The following ULK4 variants were observed in gnomAD, a reference collection of about 807,000 sequenced individuals.
The protein encoded by ULK4 is unc-51 like kinase 4.
A neutral mutation model predicts 160.6 loss-of-function variants in ULK4; 133 were observed. The observed-to-expected ratio is 0.83, with a 90% CI of 0.72 to 0.96. ULK4 has a LOEUF of 0.96. Among genes scored for constraint, ULK4 ranks in the 40% least tolerant of loss-of-function variants. ULK4 has a pLI of 0.00. For missense variants in ULK4, 1,580 were observed against 1,499.5 expected, an observed-to-expected ratio of 1.05 and a Z score of -0.89; for synonymous variants, 534 against 539.8, an observed-to-expected ratio of 0.99 and a Z score of 0.15.
chr3:41,373,945 T>G (rs1326775514), intron 35 of ULK4, among the ~76,000 whole-genome samples: 1 of 152,050 alleles, frequency 6.6e-6, no homozygotes, highest in Admixed American at 6.5e-5. Context: ...TAAAAAATGA[T>G]AAAGGGCATA....
At chr3:41,275,727 C>G (rs1416696278) in intron 35 of ULK4, among the ~76,000 whole-genome samples, 1 of 152,182 alleles carries the variant, frequency 6.6e-6, no homozygotes, top group Non-Finnish European at 1.5e-5. Flanking sequence ...ATAGAACAGC[C>G]CAGCTACTGG....
intron 32 of ULK4, among the ~76,000 whole-genome samples, chr3:41,500,178 T>C (rs1239627301): frequency 6.6e-6 from 1 of 151,996 alleles, no homozygotes; most frequent in Non-Finnish European, 1.5e-5. Flanking sequence ...TTCTGCTTCA[T>C]TAATTTCTGC....
intron 16 of ULK4, among the ~76,000 whole-genome samples, chr3:41,891,378 G>A (rs1454575564): frequency 6.7e-6 from 1 of 149,556 alleles, no homozygotes; most frequent in Admixed American, 6.7e-5. Context: ...AGGCAGGCAG[G>A]CAGGAAGGAG....
intron 32 of ULK4, among the ~76,000 whole-genome samples, chr3:41,539,188 T>TA: frequency 6.6e-6 from 1 of 151,972 alleles, no homozygotes; most frequent in East Asian, 1.9e-4. Context: ...TGTTCAAGGG[T>TA]CAACTGTATT....
intron 35 of ULK4, among the ~76,000 whole-genome samples, chr3:41,364,593 T>C (rs530295780): frequency 6.6e-6 from 1 of 152,326 alleles, no homozygotes; most frequent in East Asian, 1.9e-4. Flanking sequence ...AATGAGACTT[T>C]AGAGGCAAGA....
intron 21 of ULK4, among the ~76,000 whole-genome samples, chr3:41,787,049 C>A (rs1409221248): frequency 6.6e-6 from 1 of 152,034 alleles, no homozygotes; most frequent in Non-Finnish European, 1.5e-5. Flanking sequence ...GGCAGCCTGG[C>A]AAGACAGAAA....
At chr3:41,678,072 C>T (rs2035789201) in intron 29 of ULK4, among the ~76,000 whole-genome samples, 1 of 152,074 alleles carries the variant, frequency 6.6e-6, no homozygotes, top group Non-Finnish European at 1.5e-5. Flanking sequence ...AGCAACTACA[C>T]CATCACAGGC....
intron 17 of ULK4, among the ~76,000 whole-genome samples, chr3:41,842,822 GA>G (rs2041969053): frequency 6.6e-6 from 1 of 152,186 alleles, no homozygotes; most frequent in Non-Finnish European, 1.5e-5. Context: ...TTACTGGTGG[GA>G]TAGGCACATA....
intron 35 of ULK4, among the ~76,000 whole-genome samples, chr3:41,291,051 TTTTG>T (rs2079551053): frequency 6.6e-6 from 1 of 152,088 alleles, no homozygotes; most frequent in African/African-American, 2.4e-5. Flanking sequence ...ATGGGATTTT[TTTTG>T]TTTTTGTTTT....
intron 35 of ULK4, among the ~76,000 whole-genome samples, chr3:41,306,985 A>C (rs1307807463): frequency 6.6e-6 from 1 of 150,688 alleles, no homozygotes; most frequent in Non-Finnish European, 1.5e-5. Context: ...CCCTAATCTC[A>C]AGTACCCAGG....
intron 32 of ULK4, among the ~76,000 whole-genome samples, chr3:41,476,124 G>C (rs138457290): frequency 2.6e-5 from 4 of 152,096 alleles, no homozygotes; most frequent in South Asian, 2.1e-4. Context: ...GGTTTGCATA[G>C]GGCTGACACC....
chr3:41,872,180 A>AGTTAAAG (rs1440679334), intron 17 of ULK4, among the ~76,000 whole-genome samples: 26 of 152,158 alleles, frequency 1.7e-4, no homozygotes, highest in African/African-American at 6.3e-4. Flanking sequence ...TTCAATGGAA[A>AGTTAAAG]GTTAAAGGTG....
intron 17 of ULK4, among the ~76,000 whole-genome samples, chr3:41,872,467 T>C (rs1051043850): frequency 6.6e-6 from 1 of 152,188 alleles, no homozygotes; most frequent in Admixed American, 6.5e-5. Flanking sequence ...CAACCTCAGT[T>C]CCTTGCCCCA....
intron 30 of ULK4, among the ~76,000 whole-genome samples, chr3:41,649,513 T>C (rs2034650491): frequency 6.6e-6 from 1 of 152,028 alleles, no homozygotes; most frequent in Non-Finnish European, 1.5e-5. Context: ...CTCCCTGGCC[T>C]CCCCCTGCTC....
At chr3:41,588,153 T>C (rs186680506) in intron 31 of ULK4, among the ~76,000 whole-genome samples, 246 of 151,952 alleles carry the variant, frequency 1.6e-3, no homozygotes, top group African/African-American at 5.7e-3. Context: ...AAGCAGGTGG[T>C]GAGGGAAAAC....
chr3:41,599,565 C>CTTTTTTT (rs200055034), intron 31 of ULK4, among the ~76,000 whole-genome samples: 9 of 130,758 alleles, frequency 6.9e-5, no homozygotes, highest in Non-Finnish European at 8.0e-5. Flanking sequence ...TTTTCTTTTT[C>CTTTTTTT]TTTTTTTTTT....
chr3:41,416,090 C>G (rs561829881), intron 34 of ULK4, among the ~76,000 whole-genome samples: 4 of 152,134 alleles, frequency 2.6e-5, no homozygotes, highest in Non-Finnish European at 5.9e-5. Flanking sequence ...GAAATGACCA[C>G]GCTGATACAG....
At chr3:41,569,973 C>T (rs1349057199) in intron 31 of ULK4, among the ~76,000 whole-genome samples, 1 of 152,190 alleles carries the variant, frequency 6.6e-6, no homozygotes, top group Non-Finnish European at 1.5e-5. Context: ...GCTTCATCAT[C>T]CTACCTTCTC....
intron 21 of ULK4, among the ~76,000 whole-genome samples, chr3:41,760,011 T>A (rs576698713): frequency 1.3e-5 from 2 of 152,208 alleles, no homozygotes; most frequent in East Asian, 3.9e-4. Context: ...TTCTCCCCTG[T>A]GAAGGACACT....
Sources: gnomAD v4.1 joint callset for allele counts (sites outside exome capture counted in the v4.1 genomes callset) on GRCh38, gnomAD v4.1.1 for gene constraint, MANE v1.5 for transcripts, NCBI Gene and HGNC (gene_info 2026-07-23, HGNC 2026-07-21) for gene names.